PHF21B: variants seen among roughly 807,000 people sequenced by gnomAD.
PHF21B encodes PHD finger protein 21B, also known as PHD finger protein 4.
A neutral mutation model predicts 62.2 loss-of-function variants in PHF21B; 22 were observed. The ratio of observed to expected loss-of-function variants is 0.35; its 90% CI spans 0.25 to 0.51. The LOEUF is 0.51. PHF21B is among the 20% of genes least tolerant of loss of function. PHF21B has a pLI of 0.97. For missense variants in PHF21B, 701 were observed against 707.9 expected, an observed-to-expected ratio of 0.99 and a Z score of 0.11; for synonymous variants, 341 against 314.7, an observed-to-expected ratio of 1.08 and a Z score of -0.88.
intron 2 of PHF21B, among the ~76,000 whole-genome samples, chr22:44,998,333 G>A (rs560302316): frequency 5.3e-5 from 8 of 152,180 alleles, no homozygotes; most frequent in Non-Finnish European, 1.2e-4. Flanking sequence ...TGGGGCCAGC[G>A]GCTTCAGAAA....
At chr22:44,947,781 A>G (rs1285833285) in intron 2 of PHF21B, among the ~76,000 whole-genome samples, 1 of 152,050 alleles carries the variant, frequency 6.6e-6, no homozygotes, top group East Asian at 1.9e-4. Context: ...TGGCTCCCGG[A>G]AGCTCAGATA....
chr22:44,957,284 G>A (rs2072319777), intron 2 of PHF21B, among the ~76,000 whole-genome samples: 1 of 152,202 alleles, frequency 6.6e-6, no homozygotes, highest in Non-Finnish European at 1.5e-5. Context: ...ACAACAATTA[G>A]CTCTTCTGGA....
chr22:44,954,661 C>A lies in PHF21B; in HGVS notation c.121-34171G>T, dbSNP rs1385355496. 3.9e-5 allele frequency among the ~76,000 whole-genome samples: 6 copies of A among 152,350 alleles called. No individual in the cohort carries two copies. The East Asian group carries it at 1.2e-3, about 29-fold the overall frequency. ...AATTCAGGTCTACAGATTCACCAAGCAGTAATTATTCACATCACAAAACCA... is the reference window on the plus strand; with the variant it reads ...AATTCAGGTCTACAGATTCACCAAGAAGTAATTATTCACATCACAAAACCA... On this transcript the variant is annotated intron_variant, in intron 2 of 12. Coordinates refer to ENST00000313237, the MANE Select transcript of PHF21B (RefSeq NM_138415.5).
At chr22:44,913,115 G>A (rs190052836) in intron 5 of PHF21B, among the ~76,000 whole-genome samples, 1 of 152,304 alleles carries the variant, frequency 6.6e-6, no homozygotes, top group Admixed American at 6.5e-5. Context: ...TATGTATTTG[G>A]ATGCTTCAAT....
intron 5 of PHF21B, among the ~76,000 whole-genome samples, chr22:44,911,533 A>ACC (rs1440534552): frequency 6.6e-6 from 1 of 152,158 alleles, no homozygotes; most frequent in East Asian, 1.9e-4. Context: ...GGGCCAAGGT[A>ACC]CCCCTCAGCC....
At chr22:44,981,208 G>C (rs13053171) in intron 2 of PHF21B, among the ~76,000 whole-genome samples, 1 of 152,168 alleles carries the variant, frequency 6.6e-6, no homozygotes, top group Non-Finnish European at 1.5e-5. Flanking sequence ...GAGAGACCTA[G>C]AGACTGGGAG....
chr22:44,938,407 T>C (rs1268360431), intron 2 of PHF21B, among the ~76,000 whole-genome samples: 2 of 152,264 alleles, frequency 1.3e-5, no homozygotes, highest in African/African-American at 4.8e-5. Flanking sequence ...TTGATTTTTG[T>C]ATTTTTAGTA....
chr22:44,885,632 A>T (rs1569205510), intron 11 of PHF21B, 103 bp from the exon 12 acceptor site: 1 of 1,213,574 alleles, frequency 8.2e-7, no homozygotes, highest in Admixed American at 2.4e-5. Flanking sequence ...GGCCTAGGAC[A>T]TCCCCCTGAA....
At chr22:44,885,010 A>G (rs1450786782) in intron 12 of PHF21B, among the ~76,000 whole-genome samples, 4 of 152,258 alleles carry the variant, frequency 2.6e-5, no homozygotes, top group Admixed American at 6.5e-5. Flanking sequence ...GGCCCTGCCA[A>G]GGGGCCTGAG....
At chr22:44,981,859 G>GTT (rs1315836806) in intron 2 of PHF21B, among the ~76,000 whole-genome samples, 1 of 152,236 alleles carries the variant, frequency 6.6e-6, no homozygotes, top group East Asian at 1.9e-4. Flanking sequence ...TGAAAAGAAG[G>GTT]TAACAAAAGT....
At chr22:44,891,258 C>T in intron 8 of PHF21B, 48 bp downstream of exon 8, 3 of 1,603,436 alleles carry the variant, frequency 1.9e-6, no homozygotes, top group Non-Finnish European at 2.6e-6. Context: ...GGGATGACTC[C>T]CCGCGGCCCT....
rs2070756076 is a variant in PHF21B at position 44,882,494 on chromosome 22, G to A, written c.*592C>T. 1 of 153,090 alleles carries A rather than the reference G, an allele frequency of 6.5e-6. No homozygotes were observed. The highest frequency in any genetic ancestry group is 1.5e-5 in the Non-Finnish European group (1 of 68,418). 9.5% of individuals were successfully genotyped at this position (153,090 alleles called of 1,614,324 possible). On this transcript the variant is annotated 3_prime_UTR_variant, in exon 13 of 13. Coordinates refer to ENST00000313237, the MANE Select transcript of PHF21B (RefSeq NM_138415.5). ...ATTCGTAACCCTAATAATACTGACA[G>A]AAAGGGGCCCAGGTGGTTCTGCAAA...
intron 2 of PHF21B, among the ~76,000 whole-genome samples, chr22:44,992,498 C>T (rs187193165): frequency 1.3e-5 from 2 of 152,390 alleles, no homozygotes; most frequent in East Asian, 3.9e-4. Context: ...GACTGTCAAG[C>T]ACGTCACCCA....
intron 5 of PHF21B, among the ~76,000 whole-genome samples, chr22:44,899,542 C>T (rs1437320726): frequency 4.6e-5 from 7 of 151,904 alleles, no homozygotes; most frequent in East Asian, 1.9e-4. Context: ...CTGCCTGGCT[C>T]GCCTCCCAAA....
chr22:44,952,221 T>C (rs2072208308), intron 2 of PHF21B, among the ~76,000 whole-genome samples: 1 of 152,124 alleles, frequency 6.6e-6, no homozygotes, highest in African/African-American at 2.4e-5. Flanking sequence ...CAGACGCCTA[T>C]AATCCCAGCT....
chr22:44,905,470 T>C (rs2071231814), intron 5 of PHF21B, among the ~76,000 whole-genome samples: 2 of 152,238 alleles, frequency 1.3e-5, no homozygotes, highest in Admixed American at 6.5e-5. Context: ...TAAATACACT[T>C]ATTTAAAAGC....
At chr22:45,004,960 A>C (rs762065124) in intron 2 of PHF21B, among the ~76,000 whole-genome samples, 29 of 152,340 alleles carry the variant, frequency 1.9e-4, no homozygotes, top group Non-Finnish European at 3.5e-4. Context: ...ACTGCGGTTC[A>C]AACAGAAGGC....
chr22:44,922,470 TA>T lies in PHF21B; in HGVS notation c.121-1981del, dbSNP rs375102976. On this transcript the variant is annotated intron_variant, in intron 2 of 12. Transcript: ENST00000313237. ...CAACATGGAGAAACCCCATCTCTAC[TA>T]AAAATACAAAATTAGCCAGGCGTGA... is the stretch of plus-strand genomic sequence containing the variant. 1.5e-4 allele frequency among the ~76,000 whole-genome samples: 23 copies of T among 152,166 alleles called. No homozygotes were observed. The East Asian group carries it at 2.9e-3, about 19-fold the overall frequency.
chr22:44,943,527 T>A (rs2072002770), intron 2 of PHF21B, among the ~76,000 whole-genome samples: 1 of 152,198 alleles, frequency 6.6e-6, no homozygotes, highest in Admixed American at 6.5e-5. Flanking sequence ...TACATCTCCG[T>A]CTCCTCGTGG....
Sources: gnomAD v4.1 joint callset for allele counts (sites outside exome capture counted in the v4.1 genomes callset) on GRCh38, gnomAD v4.1.1 for gene constraint, MANE v1.5 for transcripts, NCBI Gene and HGNC (gene_info 2026-07-23, HGNC 2026-07-21) for gene names.